LINGO2: variants seen among roughly 807,000 people sequenced by gnomAD.
The protein encoded by LINGO2 is leucine-rich repeat and immunoglobulin-like domain-containing nogo receptor-interacting protein 2.
A neutral mutation model predicts 30.6 loss-of-function variants in LINGO2; 14 were observed. That is an observed-to-expected ratio of 0.46 (90% confidence interval 0.30 to 0.72). The LOEUF (loss-of-function observed/expected upper bound fraction) is 0.72. LINGO2 is among the 30% of genes least tolerant of loss of function. LINGO2 has a pLI of 0.07. For synonymous variants in LINGO2, 317 were observed against 288.5 expected (o/e 1.10, Z -1.00); for missense variants, 729 against 751.7 (o/e 0.97, Z 0.35).
chr9:28,329,170 C>T lies in LINGO2; in HGVS notation c.-245-33804G>A, dbSNP rs1825333031. 1.3e-5 allele frequency among the ~76,000 whole-genome samples: 2 copies of T among 152,252 alleles called. No homozygotes were observed. The highest frequency in any genetic ancestry group is 4.1e-4 in the South Asian group (2 of 4,826). ...AGACAGAAGGCTCCCAAATCTGAAA[C>T]CAAGCCTCCAGTTTCCAAAGGAGCC... is the stretch of plus-strand genomic sequence containing the variant. On this transcript the variant is annotated intron_variant, in intron 3 of 5. Coordinates refer to ENST00000379992, the Ensembl canonical transcript of LINGO2. This position sits in a 1 kb window ranked among gnomAD's most constrained non-coding sequence, Gnocchi z 4.5.
At chr9:28,340,879 G>C (rs570235836) in intron 3 of LINGO2, among the ~76,000 whole-genome samples, 2 of 152,142 alleles carry the variant, frequency 1.3e-5, no homozygotes, top group Admixed American at 6.6e-5. Flanking sequence ...TTTTAGTAAC[G>C]GAATCATTCC....
At chr9:28,629,302 T>G (rs1196073783) in intron 1 of LINGO2, among the ~76,000 whole-genome samples, 1 of 152,150 alleles carries the variant, frequency 6.6e-6, no homozygotes, top group South Asian at 2.1e-4. Context: ...GAATGTATTA[T>G]AAACTGTGCT....
Position 28,460,104 on chromosome 9 carries a change from T to A in LINGO2, c.-279+15836A>T, listed in dbSNP as rs955915334. Reference sequence around the variant, plus strand: ...CTGTAAATTTGAGTGTCTCTTTTATTTTTATCTATTGTTATTTTGTCAGCT... The same window carrying A: ...CTGTAAATTTGAGTGTCTCTTTTATATTTATCTATTGTTATTTTGTCAGCT... On this transcript the variant is annotated intron_variant, in intron 2 of 5. Coordinates refer to ENST00000379992, the Ensembl canonical transcript of LINGO2. 2.0e-5 allele frequency among the ~76,000 whole-genome samples: 3 copies of A among 152,270 alleles called. 1 individual carries two copies. The highest frequency in any genetic ancestry group is 4.1e-4 in the South Asian group (2 of 4,830).
At chr9:28,056,061 C>T (rs1406451282) in intron 4 of LINGO2, among the ~76,000 whole-genome samples, 1 of 152,062 alleles carries the variant, frequency 6.6e-6, no homozygotes, top group East Asian at 1.9e-4. Context: ...AGGAAAGATC[C>T]AGAGAAAAAA....
At chr9:28,776,474 T>G in the LINGO2 span, among the ~76,000 whole-genome samples, 1 of 152,230 alleles carries the variant, frequency 6.6e-6, no homozygotes, top group Non-Finnish European at 1.5e-5. Context: ...GCAGAAAGTT[T>G]ACTCAAATTC....
the LINGO2 span, among the ~76,000 whole-genome samples, chr9:28,806,854 G>A: frequency 6.6e-6 from 1 of 151,902 alleles, no homozygotes; most frequent in Non-Finnish European, 1.5e-5. Context: ...TCAGATACTT[G>A]AATATAATCA....
chr9:28,968,795 T>A, the LINGO2 span, among the ~76,000 whole-genome samples: 1 of 152,176 alleles, frequency 6.6e-6, no homozygotes, highest in Non-Finnish European at 1.5e-5. Flanking sequence ...ATGTATAAAG[T>A]GCAATTTTAA....
chr9:28,586,495 T>C (rs193046252), intron 1 of LINGO2, among the ~76,000 whole-genome samples: 106 of 152,202 alleles, frequency 7.0e-4, no homozygotes, highest in African/African-American at 2.3e-3. Context: ...TATCATAATA[T>C]TGAATAATGT....
the LINGO2 span, among the ~76,000 whole-genome samples, chr9:29,107,916 C>A: frequency 0.23 from 34,376 of 147,302 alleles, 3,984 homozygotes; most frequent in East Asian, 0.4. Context: ...AAAAAAAAAA[C>A]AAACCAAAAT....
the LINGO2 span, among the ~76,000 whole-genome samples, chr9:28,977,949 C>A: frequency 5.9e-5 from 9 of 152,198 alleles, no homozygotes; most frequent in South Asian, 1.9e-3. Flanking sequence ...GGAGAGAATT[C>A]AGAGGAAGCC....
the LINGO2 span, among the ~76,000 whole-genome samples, chr9:29,115,907 C>T: frequency 9.2e-5 from 14 of 152,050 alleles, no homozygotes; most frequent in South Asian, 2.5e-3. Context: ...TCTGCAAATC[C>T]ATTCTGGCCA....
chr9:28,157,627 T>A (rs1200598780), intron 4 of LINGO2, among the ~76,000 whole-genome samples: 1 of 152,236 alleles, frequency 6.6e-6, no homozygotes, highest in African/African-American at 2.4e-5. Context: ...CTCGTGAGGC[T>A]GCAAATTTTC....
the LINGO2 span, among the ~76,000 whole-genome samples, chr9:28,785,661 T>A: frequency 1.0e-5 from 1 of 97,884 alleles, no homozygotes; most frequent in Non-Finnish European, 2.0e-5. Context: ...GGCCCTTCTC[T>A]CTCTCTCCAC....
intron 4 of LINGO2, among the ~76,000 whole-genome samples, chr9:28,046,660 C>T (rs1308180889): frequency 6.6e-6 from 1 of 152,112 alleles, no homozygotes; most frequent in Non-Finnish European, 1.5e-5. Context: ...CCCTCCTGCT[C>T]ATAGTAGCTC....
At chr9:28,363,720 A>T (rs2134521914) in intron 3 of LINGO2, among the ~76,000 whole-genome samples, 1 of 152,196 alleles carries the variant, frequency 6.6e-6, no homozygotes, top group Admixed American at 6.5e-5. Context: ...CAAATTGTAC[A>T]TTTACAAAAT....
chr9:28,573,984 A>G (rs1468122894), intron 1 of LINGO2, among the ~76,000 whole-genome samples: 2 of 152,192 alleles, frequency 1.3e-5, no homozygotes, highest in African/African-American at 2.4e-5. Context: ...TCTAAATTTT[A>G]AAAAATGACA....
chr9:28,773,206 A>C, the LINGO2 span, among the ~76,000 whole-genome samples: 38,770 of 151,738 alleles, frequency 0.26, 5,103 homozygotes, highest in East Asian at 0.39. Flanking sequence ...TCTACTAAAA[A>C]TACAAAAAAT....
intron 3 of LINGO2, among the ~76,000 whole-genome samples, chr9:28,338,285 C>T (rs555604523): frequency 4.6e-5 from 7 of 152,176 alleles, no homozygotes; most frequent in Non-Finnish European, 8.8e-5. Context: ...TGGCCAATTT[C>T]TCCCATTTGG....
At chr9:28,398,382 G>T (rs1822136620) in intron 2 of LINGO2, among the ~76,000 whole-genome samples, 1 of 151,964 alleles carries the variant, frequency 6.6e-6, no homozygotes, top group Admixed American at 6.6e-5. Flanking sequence ...TTTATAATCT[G>T]GTTATGAGTA....
Sources: allele counts gnomAD v4.1 joint callset (sites outside exome capture counted in the v4.1 genomes callset), GRCh38; gene constraint gnomAD v4.1.1; non-coding constraint Gnocchi (gnomAD v3.1); transcripts MANE v1.5; gene names NCBI Gene and HGNC (gene_info 2026-07-23, HGNC 2026-07-21).